The following NLRP12 variants were observed in gnomAD, a reference collection of about 807,000 sequenced individuals.
The protein encoded by NLRP12 is NACHT, LRR and PYD domains-containing protein 12.
NLRP12 carries 108 observed loss-of-function variants against 91.2 expected under a neutral mutation model. The observed-to-expected ratio is 1.18, with a 90% CI of 1.01 to 1.39. NLRP12 has a LOEUF of 1.39. NLRP12 is among the 40% of genes most tolerant of loss of function. The pLI is 0.00. For synonymous variants in NLRP12, 613 were observed against 566.7 expected, an observed-to-expected ratio of 1.08 and a Z score of -1.16; for missense variants, 1,530 against 1,352.7, an observed-to-expected ratio of 1.13 and a Z score of -2.06.
Position 53,810,932 on chromosome 19 carries a change from T to G in NLRP12, c.727A>C (p.Arg243=). 6.2e-7 allele frequency: 1 copy of G among 1,614,134 alleles called. No individual in the cohort carries two copies. The highest frequency in any genetic ancestry group is 8.5e-7 in the Non-Finnish European group (1 of 1,180,030). Residue 243 remains arginine, a synonymous_variant, in exon 3 of 10, where the codon AGA becomes CGA. Coordinates refer to ENST00000324134, the MANE Select transcript of NLRP12 (RefSeq NM_144687.4). The stretch of plus-strand genomic sequence containing the variant: ...TTGATGTAGAAGAGATAATCAAATC[T>G]GCCTTGGAAGAGCTTCCCGTCCGCC... ...DWADGKLFQG[R]FDYLFYINCR...
chr19:53,819,483 GTA>G (rs1333292734), intron 1 of NLRP12, among the ~76,000 whole-genome samples: 289 of 14,084 alleles, frequency 0.021, 74 homozygotes, highest in South Asian at 0.068. Flanking sequence ...GTGTGTGTGT[GTA>G]TATACATATG....
rs142123090 is a variant in NLRP12, at chr19:53,797,334, A to G, written c.2927+909T>C. Among the ~76,000 whole-genome samples, 866 of 152,270 alleles carry G rather than the reference A, an allele frequency of 5.7e-3. 3 individuals carry two copies. Among genetic ancestry groups the G allele is most frequent in the Non-Finnish European group, 9.8e-3 (667 of 68,016 alleles). ...CTTAATAGAGATGGCCATGTTGGCC[A>G]GGCTGGTCTCAAACTCCTGACCTCA... On this transcript the variant is annotated intron_variant, in intron 8 of 9. Coordinates refer to ENST00000324134, the MANE Select transcript of NLRP12 (RefSeq NM_144687.4).
intron 1 of NLRP12, among the ~76,000 whole-genome samples, chr19:53,823,657 TC>T (rs1329133701): frequency 1.3e-5 from 2 of 151,294 alleles, no homozygotes; most frequent in Non-Finnish European, 2.9e-5. Context: ...CAAGTGATCC[TC>T]CCACCTCAGC....
At chr19:53,804,395 T>G (rs1262635544) in intron 5 of NLRP12, among the ~76,000 whole-genome samples, 1 of 69,128 alleles carries the variant, frequency 1.4e-5, no homozygotes, top group Admixed American at 1.5e-4. Flanking sequence ...TTTTTTGGGT[T>G]TTTTTGTTTT....
chr19:53,824,064 C>G lies in NLRP12; in HGVS notation c.111G>C (p.Glu37Asp). Residue 37 changes from glutamate (E) to aspartate (D), a missense_variant, in exon 1 of 10, where the codon GAG (glutamate) becomes GAC (aspartate). By Grantham distance (45) the Glu-to-Asp change is conservative. Transcript: ENST00000324134. The stretch of plus-strand genomic sequence containing the variant: ...CCCAGGGGATCTTGCCTTCTCCCAG[C>G]TCTGTCGCGGTCCCCAGGTATAACT... ...KFKLYLGTATELGEGKIPWGS... is the reference protein window; with the variant it reads ...KFKLYLGTATDLGEGKIPWGS... 2 of 1,614,184 alleles carry G rather than the reference C, an allele frequency of 1.2e-6. No individual in the cohort carries two copies. Among genetic ancestry groups the G allele is most frequent in the Admixed American group, 3.3e-5 (2 of 60,010 alleles).
chr19:53,810,082 T>C lies in NLRP12; in HGVS notation c.1577A>G (p.Tyr526Cys). 1 of 1,614,138 alleles carries C rather than the reference T, an allele frequency of 6.2e-7. No individual in the cohort carries two copies. The highest frequency in any genetic ancestry group is 8.5e-7 in the Non-Finnish European group (1 of 1,180,020). The change falls in exon 3 of 10, where the codon TAT becomes TGT. Residue 526 changes from tyrosine (Y) to cysteine (C), a missense_variant. Transcript: ENST00000324134. ...SFQEFFAAMY[Y>C]ILDEGEGGAG... ...CCCGCCCTCCCCCTCGTCCAGGATA[T>C]AGTACATAGCTGCAAAGAATTCCTG...
chr19:53,807,640 C>T lies in NLRP12; in HGVS notation c.2098G>A (p.Ala700Thr), dbSNP rs1170715499. 38 of 1,614,034 alleles carry T rather than the reference C, an allele frequency of 2.4e-5. No homozygotes were observed. The highest frequency in any genetic ancestry group is 2.5e-5 in the Non-Finnish European group (30 of 1,180,040). Reference sequence around the variant, plus strand: ...GCCGCTGCCAGATGTTCACTGTAGGCGTCCAGCAGAACGGTCCTCTCTGGT... The same window carrying T: ...GCCGCTGCCAGATGTTCACTGTAGGTGTCCAGCAGAACGGTCCTCTCTGGT... Reference protein sequence around the residue: ...QLPERTVLLDAYSEHLAAALC... With the variant: ...QLPERTVLLDTYSEHLAAALC... The change falls in exon 4 of 10, where the codon GCC (alanine) becomes ACC (threonine). Residue 700 changes from alanine to threonine, a missense_variant. Coordinates refer to ENST00000324134, the MANE Select transcript of NLRP12 (RefSeq NM_144687.4).
intron 6 of NLRP12, 34 bp from the exon 7 acceptor site, chr19:53,801,431 G>T (rs759315994): frequency 1.3e-6 from 2 of 1,595,308 alleles, no homozygotes; most frequent in Admixed American, 3.4e-5. Flanking sequence ...GCATTATGGA[G>T]GCTTTCCTTT....
intron 5 of NLRP12, among the ~76,000 whole-genome samples, chr19:53,804,350 C>A (rs986493507): frequency 5.9e-5 from 9 of 151,724 alleles, no homozygotes; most frequent in Non-Finnish European, 1.3e-4. Flanking sequence ...CACCACCACA[C>A]CTGCCTAATT....
intron 2 of NLRP12, among the ~76,000 whole-genome samples, chr19:53,813,548 C>T (rs780562942): frequency 2.6e-4 from 39 of 151,956 alleles, no homozygotes; most frequent in African/African-American, 5.8e-4. Flanking sequence ...ATGATCTGCC[C>T]GCCTGAGCCT....
intron 1 of NLRP12, among the ~76,000 whole-genome samples, chr19:53,815,899 T>C (rs62143193): frequency 0.5 from 76,599 of 151,696 alleles, 19,838 homozygotes; most frequent in African/African-American, 0.62. Flanking sequence ...CGTGAGCCAC[T>C]GCGCCTGGCG....
At chr19:53,804,429 C>G (rs2091924938) in intron 5 of NLRP12, among the ~76,000 whole-genome samples, 1 of 127,172 alleles carries the variant, frequency 7.9e-6, no homozygotes, top group Admixed American at 9.4e-5. Flanking sequence ...GGTAGAACCT[C>G]ATTCTGTCAC....
At chr19:53,823,104 T>TACACACATATATATATACACATATATAC (rs1555799761) in intron 1 of NLRP12, among the ~76,000 whole-genome samples, 2 of 141,146 alleles carry the variant, frequency 1.4e-5, no homozygotes, top group Admixed American at 7.7e-5. Context: ...CACACACATA[T>TACACACATATATATATACACATATATAC]ACACACACAT....
chr19:53,803,951 C>T lies in NLRP12; in HGVS notation c.2585+1G>A, dbSNP rs762901830. The T allele has an allele frequency of 9.9e-6, 16 of 1,613,936 alleles. No individual in the cohort carries two copies. The highest frequency in any genetic ancestry group is 1.4e-5 in the Non-Finnish European group (16 of 1,179,856). ...TATAGTTGACCCCAGGAAGAACTCA[C>T]CACAAAGTCCGTAGTCTGCAGACTG... On this transcript the variant is annotated splice_donor_variant, in intron 6 of 9. Coordinates refer to ENST00000324134, the MANE Select transcript of NLRP12 (RefSeq NM_144687.4). LOFTEE classifies it high-confidence loss of function.
At chr19:53,808,675 CAG>C (rs953805200) in intron 3 of NLRP12, 3 of 152,166 alleles carry the variant, frequency 2.0e-5, no homozygotes, top group Non-Finnish European at 4.4e-5. Context: ...GCCTTGGTGA[CAG>C]AGCCACACTC....
intron 1 of NLRP12, among the ~76,000 whole-genome samples, chr19:53,819,083 A>G (rs967954105): frequency 6.6e-5 from 10 of 152,110 alleles, no homozygotes; most frequent in Admixed American, 2.0e-4. Flanking sequence ...ATGGTTATGC[A>G]TTGTCAATGC....
At chr19:53,796,960 C>CCAGGGTGACAGGGAGACCCTGTTTT (rs2091775102) in intron 8 of NLRP12, among the ~76,000 whole-genome samples, 5 of 146,644 alleles carry the variant, frequency 3.4e-5, no homozygotes, top group African/African-American at 1.3e-4. Context: ...CCACTGCACT[C>CCAGGGTGACAGGGAGACCCTGTTTT]CAGGGTGACA....
At position 53,819,668 on chromosome 19, in the gene NLRP12, C is replaced by CGTATATATATACACACACGTAT. The variant is rs1555799178; in HGVS notation, c.289+4217_289+4218insATACGTGTGTGTATATATATAC. Among the ~76,000 whole-genome samples the CGTATATATATACACACACGTAT allele has an allele frequency of 1.5e-3, 13 of 8,650 alleles. 1 individual carries two copies. The highest frequency in any genetic ancestry group is 3.3e-3 in the African/African-American group (8 of 2,420). 5.7% of individuals were successfully genotyped at this position (8,650 alleles called of 152,430 possible). A position where few individuals can be genotyped will look rare whatever the true frequency, so the allele number is the denominator to read the frequency against. On this transcript the variant is annotated intron_variant, in intron 1 of 9. Transcript: ENST00000324134. The stretch of plus-strand genomic sequence containing the variant: ...ATACGTATATATATACACATGTATA[C>CGTATATATATACACACACGTAT]ATATATGTATGTATACATATATATA...
At chr19:53,804,219 T>C in intron 5 of NLRP12, 97 bp from the exon 6 acceptor site, 8 of 1,373,492 alleles carry the variant, frequency 5.8e-6, no homozygotes, top group Non-Finnish European at 7.1e-6. Flanking sequence ...TAGGAACAGG[T>C]TGTTGCTCTG....
Sources: allele counts gnomAD v4.1 joint callset (sites outside exome capture counted in the v4.1 genomes callset), GRCh38; gene constraint gnomAD v4.1.1; transcripts MANE v1.5; gene names NCBI Gene and HGNC (gene_info 2026-07-23, HGNC 2026-07-21).